The following DENND1A variants were observed in gnomAD, a reference collection of about 807,000 sequenced individuals.
DENND1A encodes the protein DENN domain containing 1A.
Under a neutral mutation model 113.7 loss-of-function variants are expected in DENND1A, and 51 were observed. That is an observed-to-expected ratio of 0.45 (90% CI 0.36 to 0.57). DENND1A has a LOEUF of 0.57. DENND1A is among the 20% of genes least tolerant of loss of function. DENND1A has a pLI of 0.00. For synonymous variants in DENND1A, 565 were observed against 570.8 expected (o/e 0.99, Z 0.14); for missense variants, 1,258 against 1,395.9 (o/e 0.90, Z 1.57).
intron 11 of DENND1A, among the ~76,000 whole-genome samples, chr9:123,601,226 A>G (rs1239242074): frequency 6.6e-6 from 1 of 152,208 alleles, no homozygotes; most frequent in East Asian, 1.9e-4. Context: ...CATCATGACT[A>G]GTTAGACTGA....
intron 9 of DENND1A, among the ~76,000 whole-genome samples, chr9:123,649,482 T>C (rs1408289219): frequency 1.3e-5 from 2 of 152,196 alleles, no homozygotes; most frequent in African/African-American, 2.4e-5. Flanking sequence ...TCTAGACTCT[T>C]AAGGAGTTTG....
At chr9:123,700,631 C>T (rs1219748465) in intron 5 of DENND1A, among the ~76,000 whole-genome samples, 1 of 152,222 alleles carries the variant, frequency 6.6e-6, no homozygotes, top group East Asian at 1.9e-4. Context: ...AGGCTTTAAA[C>T]TGATTGGATG....
Position 123,583,279 on chromosome 9 carries a change from A to AG in DENND1A, c.766-10dup. ...GCCATGTTTCTGACTTTCTGCAAGGAGAAAAAAATCCACAAGAGAAGGTCA... is the reference window on the plus strand; with the variant it reads ...GCCATGTTTCTGACTTTCTGCAAGGAGGAAAAAAATCCACAAGAGAAGGTCA... On this transcript the variant is annotated splice_polypyrimidine_tract_variant and intron_variant, in intron 11 of 23. Transcript: ENST00000394215. 1 of 1,608,224 alleles carries AG rather than the reference A, an allele frequency of 6.2e-7. No individual in the cohort carries two copies. Among genetic ancestry groups the AG allele is most frequent in the Non-Finnish European group, 8.5e-7 (1 of 1,176,398 alleles).
At chr9:123,543,839 C>T (rs1196247533) in intron 13 of DENND1A, among the ~76,000 whole-genome samples, 5 of 152,196 alleles carry the variant, frequency 3.3e-5, no homozygotes, top group Admixed American at 2.6e-4. Context: ...CCCCTTACTG[C>T]AACTCTCTGC....
intron 17 of DENND1A, 121 bp downstream of exon 17, chr9:123,452,154 AC>A (rs1268032483): frequency 1.2e-6 from 1 of 864,710 alleles, no homozygotes; most frequent in Non-Finnish European, 1.9e-6. Context: ...TGATTGCACC[AC>A]TGCACTCCAG....
Position 123,393,175 on chromosome 9 carries a change from G to A in DENND1A, c.1632-5317C>T, listed in dbSNP as rs146797911. Among the ~76,000 whole-genome samples the A allele has an allele frequency of 2.2e-3, 328 of 152,306 alleles. 1 individual carries two copies. The highest frequency in any genetic ancestry group is 3.4e-3 in the Middle Eastern group (1 of 294). ...TGGGAAAACTTAAATGCACGTATTC[G>A]TAAAGGGCTTTGCATGGTGCTGAGC... On this transcript the variant is annotated intron_variant, in intron 21 of 23. Transcript: ENST00000394215.
At chr9:123,882,995 C>A (rs867558548) in intron 1 of DENND1A, among the ~76,000 whole-genome samples, 1 of 152,200 alleles carries the variant, frequency 6.6e-6, no homozygotes, top group South Asian at 2.1e-4. Context: ...ACCTCTCTCC[C>A]CTTGCCCACT....
intron 19 of DENND1A, among the ~76,000 whole-genome samples, chr9:123,425,287 A>G (rs1000400545): frequency 3.3e-5 from 5 of 152,136 alleles, no homozygotes; most frequent in Admixed American, 3.3e-4. Flanking sequence ...CCCGGCAGGG[A>G]GCTGGATTCT....
intron 13 of DENND1A, among the ~76,000 whole-genome samples, chr9:123,525,758 C>CTT (rs34055700): frequency 0.63 from 81,608 of 129,586 alleles, 26,549 homozygotes; most frequent in East Asian, 0.71. Flanking sequence ...TGCAGTCTAC[C>CTT]TTTTTTTTTT....
At chr9:123,706,145 C>CTT (rs368559777) in intron 5 of DENND1A, among the ~76,000 whole-genome samples, 11,087 of 133,004 alleles carry the variant, frequency 0.083, 532 homozygotes, top group Admixed American at 0.1. Flanking sequence ...GATATTTTTT[C>CTT]TTTTTTTTTT....
At chr9:123,636,329 T>C (rs907550463) in intron 9 of DENND1A, among the ~76,000 whole-genome samples, 1 of 152,068 alleles carries the variant, frequency 6.6e-6, no homozygotes, top group African/African-American at 2.4e-5. Flanking sequence ...CTCTTTTTTT[T>C]TTTTTGAGAT....
At chr9:123,752,200 G>A (rs190637429) in intron 5 of DENND1A, among the ~76,000 whole-genome samples, 7 of 152,228 alleles carry the variant, frequency 4.6e-5, no homozygotes, top group Admixed American at 1.3e-4. Context: ...GATATCTGAA[G>A]AGTTTTCAAA....
chr9:123,708,875 T>C (rs1201105340), intron 5 of DENND1A, among the ~76,000 whole-genome samples: 1 of 152,220 alleles, frequency 6.6e-6, no homozygotes, highest in African/African-American at 2.4e-5. Context: ...CACCACTTGA[T>C]TTCTTCAGGA....
At chr9:123,761,360 A>G (rs896291948) in intron 4 of DENND1A, among the ~76,000 whole-genome samples, 1 of 152,268 alleles carries the variant, frequency 6.6e-6, no homozygotes. Flanking sequence ...GTCAGTCCAG[A>G]GTAGGAACAA....
At chr9:123,390,923 A>C (rs1311013503) in intron 21 of DENND1A, among the ~76,000 whole-genome samples, 3 of 152,256 alleles carry the variant, frequency 2.0e-5, no homozygotes, top group African/African-American at 7.2e-5. Flanking sequence ...AGCACAGATC[A>C]CAGCTTGACA....
chr9:123,383,822 G>C lies in DENND1A; in HGVS notation c.1852C>G (p.Pro618Ala). The C allele has an allele frequency of 1.9e-6, 3 of 1,613,976 alleles. No homozygotes were observed. The highest frequency in any genetic ancestry group is 2.5e-6 in the Non-Finnish European group (3 of 1,180,040). Residue 618 changes from proline (P) to alanine (A), a missense_variant, in exon 23 of 24, where the codon CCT becomes GCT. Physicochemically the swap from Pro to Ala is conservative, Grantham distance 27 (BLOSUM62 -1). Around this residue, in one of 2 missense-constraint regions of DENND1A, gnomAD observed 1,159 missense variants for 1,231.7 expected, o/e 0.94. Transcript: ENST00000394215. ...PEQQVRKSTG[P>A]VPAPPDRAAS... ...GCCCGGTCAGGGGGAGCTGGGACAG[G>C]GCCTGTGGACTTCCGCACTTGCTGC...
chr9:123,383,860 G>T lies in DENND1A; in HGVS notation c.1814C>A (p.Ala605Glu). Residue 605 changes from alanine (A) to glutamate (E), a missense_variant, in exon 23 of 24, where the codon GCA becomes GAA. Ala to Glu is a moderately radical substitution (Grantham distance 107). Coordinates refer to ENST00000394215, the MANE Select transcript of DENND1A (RefSeq NM_001352964.2). ...RESDSAEGDE[A>E]ESPEQQVRKS... is the part of the protein sequence containing the mutation. Reference sequence around the variant, plus strand: ...CCGCACTTGCTGCTCTGGACTCTCTGCCTCGTCGCCTTCCGCGCTGTCTGA... The same window carrying T: ...CCGCACTTGCTGCTCTGGACTCTCTTCCTCGTCGCCTTCCGCGCTGTCTGA... 6.2e-7 allele frequency: 1 copy of T among 1,613,424 alleles called. No homozygotes were observed.
chr9:123,794,958 T>C (rs772968327), intron 2 of DENND1A, among the ~76,000 whole-genome samples: 1 of 152,158 alleles, frequency 6.6e-6, no homozygotes, highest in Admixed American at 6.5e-5. Flanking sequence ...CGCCATCAAT[T>C]AGATTCCTTC....
intron 2 of DENND1A, among the ~76,000 whole-genome samples, chr9:123,794,767 A>T (rs1012424319): frequency 3.3e-5 from 5 of 152,186 alleles, no homozygotes; most frequent in Admixed American, 6.5e-5. Flanking sequence ...AAACTCATTT[A>T]AAAAATATTT....
Sources: allele counts gnomAD v4.1 joint callset (sites outside exome capture counted in the v4.1 genomes callset), GRCh38; gene constraint gnomAD v4.1.1; regional missense constraint gnomAD v4.1.1; transcripts MANE v1.5; gene names NCBI Gene and HGNC (gene_info 2026-07-23, HGNC 2026-07-21).